Variants in CDH5 observed in about 807,000 individuals in gnomAD.
CDH5 encodes the protein cadherin 5.
In CDH5, 28 loss-of-function variants were observed where a neutral mutation model predicts 62.0. The ratio of observed to expected loss-of-function variants is 0.45; its 90% CI spans 0.33 to 0.62. The LOEUF (loss-of-function observed/expected upper bound fraction) is 0.62. Among genes scored for constraint, CDH5 ranks in the 20% least tolerant of loss-of-function variants. CDH5 has a pLI of 0.02. For missense variants in CDH5, 940 were observed against 1,065.1 expected (o/e 0.88, Z 1.63); for synonymous variants, 464 against 445.8 (o/e 1.04, Z -0.52).
At position 66,392,110 on chromosome 16, in the gene CDH5, A is replaced by C. The variant is rs775336168; in HGVS notation, c.970-26A>C. ...CACACATGCTTGGCCCAGAGCAGGCACTCACCATCCTTTTTCCTTACGCAG... is the reference window on the plus strand; with the variant it reads ...CACACATGCTTGGCCCAGAGCAGGCCCTCACCATCCTTTTTCCTTACGCAG... On this transcript the variant is annotated intron_variant, in intron 6 of 11. Coordinates refer to ENST00000341529, the MANE Select transcript of CDH5 (RefSeq NM_001795.5). 8.7e-6 allele frequency: 14 copies of C among 1,613,344 alleles called. No homozygotes were observed. The Admixed American group carries it at 1.8e-4, about 21-fold the overall frequency.
intron 1 of CDH5, among the ~76,000 whole-genome samples, chr16:66,375,501 T>C (rs538748763): frequency 1.1e-3 from 174 of 151,874 alleles, no homozygotes; most frequent in African/African-American, 4.0e-3. Flanking sequence ...CACTCCAGCC[T>C]GGGCGACAGA....
intron 11 of CDH5, 143 bp downstream of exon 11, chr16:66,401,159 C>A: frequency 2.7e-6 from 3 of 1,098,774 alleles, no homozygotes; most frequent in African/African-American, 1.5e-5. Flanking sequence ...AGCCCTTAGC[C>A]AGTTCATGTG....
At chr16:66,380,293 T>G (rs1485014972) in intron 2 of CDH5, among the ~76,000 whole-genome samples, 2 of 135,020 alleles carry the variant, frequency 1.5e-5, no homozygotes, top group East Asian at 2.3e-4. Context: ...AGGTGGTGAT[T>G]GTGATAATGG....
At chr16:66,381,250 T>G (rs72786451) in intron 2 of CDH5, among the ~76,000 whole-genome samples, 33 of 152,228 alleles carry the variant, frequency 2.2e-4, no homozygotes, top group Non-Finnish European at 4.3e-4. Context: ...CCACAACACC[T>G]GTAATGAGGT....
At chr16:66,385,458 T>C (rs1199374317) in intron 2 of CDH5, among the ~76,000 whole-genome samples, 1 of 152,262 alleles carries the variant, frequency 6.6e-6, no homozygotes, top group Admixed American at 6.5e-5. Context: ...TCTGCAGAGC[T>C]GTACATTGTA....
chr16:66,378,285 G>A lies in CDH5; in HGVS notation c.-19-1034G>A, dbSNP rs190900539. On this transcript the variant is annotated intron_variant, in intron 1 of 11. Coordinates refer to ENST00000341529, the MANE Select transcript of CDH5 (RefSeq NM_001795.5). The stretch of plus-strand genomic sequence containing the variant: ...GCAGCTGCTGGGACAAGGGAAGTCA[G>A]GAGGAAAGGATTTGAACTTCCGGGC... Among the ~76,000 whole-genome samples the A allele has an allele frequency of 5.8e-4, 89 of 152,310 alleles. No individual in the cohort carries two copies. The Middle Eastern group carries it at 0.017, about 29-fold the overall frequency.
chr16:66,381,716 A>G (rs1390531668), intron 2 of CDH5, among the ~76,000 whole-genome samples: 1 of 152,196 alleles, frequency 6.6e-6, no homozygotes, highest in Non-Finnish European at 1.5e-5. Flanking sequence ...GGTCTAGAGC[A>G]AGGATCAGCA....
At chr16:66,371,796 G>T (rs950673716) in intron 1 of CDH5, among the ~76,000 whole-genome samples, 1 of 152,042 alleles carries the variant, frequency 6.6e-6, no homozygotes, top group Non-Finnish European at 1.5e-5. Context: ...CAGCCCAGGG[G>T]CTGAGGGGCT....
intron 10 of CDH5, among the ~76,000 whole-genome samples, chr16:66,398,929 C>T (rs1205875627): frequency 6.6e-6 from 1 of 152,194 alleles, no homozygotes; most frequent in Non-Finnish European, 1.5e-5. Flanking sequence ...AGAGACACTC[C>T]ATCCAAACTC....
At position 66,402,761 on chromosome 16, in the gene CDH5, C is replaced by A. The variant is rs749484747; in HGVS notation, c.1947C>A (p.Gly649=). ...HEQLVTYDEE[G]GGEMDTTSYD... is the part of the protein sequence containing the mutation. ...AGCTGGTCACCTACGACGAGGAGGG[C>A]GGCGGCGAGATGGACACCACCAGCT... The change falls in exon 12 of 12, where the codon GGC becomes GGA. Residue 649 remains glycine (G), a synonymous_variant. Coordinates refer to ENST00000341529, the MANE Select transcript of CDH5 (RefSeq NM_001795.5). The A allele has an allele frequency of 1.9e-5, 30 of 1,607,994 alleles. No homozygotes were observed. Among genetic ancestry groups the A allele is most frequent in the African/African-American group, 2.7e-5 (2 of 74,830 alleles).
intron 8 of CDH5, 56 bp downstream of exon 8, chr16:66,396,257 C>A: frequency 1.2e-6 from 2 of 1,603,606 alleles, no homozygotes; most frequent in Non-Finnish European, 1.7e-6. Flanking sequence ...CCTCATTCTT[C>A]CAAAACTGGC....
At chr16:66,396,661 T>C (rs750293136) in intron 8 of CDH5, among the ~76,000 whole-genome samples, 1 of 152,220 alleles carries the variant, frequency 6.6e-6, no homozygotes, top group Non-Finnish European at 1.5e-5. Flanking sequence ...CACCAGTTAA[T>C]AGGTAGAATT....
At chr16:66,398,433 A>G (rs769576705) in intron 9 of CDH5, 23 bp from the exon 10 acceptor site, 2 of 1,446,378 alleles carry the variant, frequency 1.4e-6, no homozygotes, top group Non-Finnish European at 9.7e-7. Context: ...ATCACTGACC[A>G]TCTCCTGTCT....
At chr16:66,398,145 C>T (rs377056247) in intron 9 of CDH5, 39 bp downstream of exon 9, 1 of 1,613,438 alleles carries the variant, frequency 6.2e-7, no homozygotes, top group Non-Finnish European at 8.5e-7. Flanking sequence ...GCAGCACCAC[C>T]CTGGGGCAGG....
chr16:66,389,289 GGGC>G, intron 4 of CDH5, 66 bp from the exon 5 acceptor site: 11 of 1,498,338 alleles, frequency 7.3e-6, no homozygotes, highest in Non-Finnish European at 1.0e-5. Flanking sequence ...GGTTCTCTCT[GGGC>G]AGGCCCTAGG....
At chr16:66,384,661 CAA>C (rs10630303) in intron 2 of CDH5, among the ~76,000 whole-genome samples, 8 of 101,592 alleles carry the variant, frequency 7.9e-5, no homozygotes, top group Non-Finnish European at 7.5e-5. Flanking sequence ...GTACCTGTCT[CAA>C]AAAAAAAAAA....
chr16:66,389,268 C>T, intron 4 of CDH5, 90 bp from the exon 5 acceptor site: 1 of 1,285,840 alleles, frequency 7.8e-7, no homozygotes. Flanking sequence ...ACCAGGGAAG[C>T]TCTTAAGTCA....
chr16:66,370,839 T>C (rs1156647273), intron 1 of CDH5, among the ~76,000 whole-genome samples: 1 of 152,158 alleles, frequency 6.6e-6, no homozygotes, highest in African/African-American at 2.4e-5. Context: ...GCATTGTGCA[T>C]TTCAGGAACT....
rs1961326424 is a variant in CDH5, at chr16:66,403,104, G to A, written c.2290G>A (p.Gly764Arg). Residue 764 changes from glycine (G) to arginine (R), a missense_variant, in exon 12 of 12, where the codon GGA (glycine) becomes AGA (arginine). By Grantham distance (125) the Gly-to-Arg change is moderately radical. Transcript: ENST00000341529. This position sits in a 1 kb window ranked among gnomAD's most constrained non-coding sequence, Gnocchi z 4.3. ...DVDYDFLNDW[G>R]PRFKMLAELY... ...GGATTACGACTTCCTTAACGACTGGGGACCCAGGTTTAAGATGCTGGCTGA... is the reference window on the plus strand; with the variant it reads ...GGATTACGACTTCCTTAACGACTGGAGACCCAGGTTTAAGATGCTGGCTGA... 6.2e-7 allele frequency: 1 copy of A among 1,613,728 alleles called. No individual in the cohort carries two copies. Among genetic ancestry groups the A allele is most frequent in the African/African-American group, 1.3e-5 (1 of 75,038 alleles).
Sources: allele counts gnomAD v4.1 joint callset (sites outside exome capture counted in the v4.1 genomes callset), GRCh38; gene constraint gnomAD v4.1.1; non-coding constraint Gnocchi (gnomAD v3.1); transcripts MANE v1.5; gene names NCBI Gene and HGNC (gene_info 2026-07-23, HGNC 2026-07-21).